The following NECTIN1 variants were observed in gnomAD, a reference collection of about 807,000 sequenced individuals.
NECTIN1 encodes the protein nectin cell adhesion molecule 1, also known as nectin-1.
A neutral mutation model predicts 48.0 loss-of-function variants in NECTIN1; 23 were observed. That is an observed-to-expected ratio of 0.48 (90% CI 0.34 to 0.68). NECTIN1 has a LOEUF of 0.68. Among genes scored for constraint, NECTIN1 ranks in the 30% least tolerant of loss-of-function variants. The pLI is 0.01. For missense variants in NECTIN1, 591 were observed against 709.9 expected, an observed-to-expected ratio of 0.83 and a Z score of 1.90; for synonymous variants, 270 against 288.9, an observed-to-expected ratio of 0.93 and a Z score of 0.66.
rs1864705051 is a variant in NECTIN1 at position 119,663,499 on chromosome 11, T to C, written c.*1248A>G. The C allele has an allele frequency of 1.0e-6, 1 of 985,558 alleles. No individual in the cohort carries two copies. The highest frequency in any genetic ancestry group is 1.2e-6 in the Non-Finnish European group (1 of 830,004). 61.1% of individuals were successfully genotyped at this position (985,558 alleles called of 1,614,324 possible). On this transcript the variant is annotated 3_prime_UTR_variant, in exon 6 of 6. Coordinates refer to ENST00000264025, the MANE Select transcript of NECTIN1 (RefSeq NM_002855.5). ...GCCTAGCGGCCCCACCCCCCTCACT[T>C]TCTGCCAGGCCCGAGGCTTTGACAA...
rs1405198153 is a variant in NECTIN1, at chr11:119,664,382, A to T, written c.*365T>A. 1 of 1,056,920 alleles carries T rather than the reference A, an allele frequency of 9.5e-7. No individual in the cohort carries two copies. Among genetic ancestry groups the T allele is most frequent in the East Asian group, 7.3e-5 (1 of 13,686 alleles). 65.5% of individuals were successfully genotyped at this position (1,056,920 alleles called of 1,614,324 possible). On this transcript the variant is annotated 3_prime_UTR_variant, in exon 6 of 6. Coordinates refer to ENST00000264025, the MANE Select transcript of NECTIN1 (RefSeq NM_002855.5). Reference sequence around the variant, plus strand: ...CAGTGAAGAAACACAAACAAATTCCAGTGTAGGGGGGCGGGGGAGGCTGGC... The same window carrying T: ...CAGTGAAGAAACACAAACAAATTCCTGTGTAGGGGGGCGGGGGAGGCTGGC...
rs1279827749 is a variant in NECTIN1 at position 119,683,929 on chromosome 11, G to GAA, written c.80-5165_80-5164insTT. ...TGCTGAGCCAGCATGACGGGCCTCA[G>GAA]GCCGGCCCCCTGAGACGTCACAGAC... On this transcript the variant is annotated intron_variant, in intron 1 of 5. Transcript: ENST00000264025. This position sits in a 1 kb window ranked among gnomAD's most constrained non-coding sequence, Gnocchi z 4.0. 8.9e-4 allele frequency among the ~76,000 whole-genome samples: 135 copies of GAA among 152,186 alleles called. No homozygotes were observed. The highest frequency in any genetic ancestry group is 1.5e-4 in the Non-Finnish European group (10 of 68,008).
chr11:119,680,571 C>T (rs894933664), intron 1 of NECTIN1, among the ~76,000 whole-genome samples: 2 of 152,234 alleles, frequency 1.3e-5, no homozygotes, highest in African/African-American at 4.8e-5. Context: ...GCTCCCCTCT[C>T]TTCCGCTCGA....
intron 1 of NECTIN1, among the ~76,000 whole-genome samples, chr11:119,696,910 G>A (rs970132731): frequency 9.2e-5 from 14 of 152,156 alleles, no homozygotes; most frequent in African/African-American, 3.4e-4. Flanking sequence ...AGATAGCCGC[G>A]CGATGTCACC....
chr11:119,677,869 CAG>C lies in NECTIN1; in HGVS notation c.431-14_431-13del, dbSNP rs1170204388. 2.5e-6 allele frequency: 4 copies of C among 1,613,286 alleles called. No individual in the cohort carries two copies. Among genetic ancestry groups the C allele is most frequent in the South Asian group, 1.1e-5 (1 of 91,052 alleles). On this transcript the variant is annotated splice_polypyrimidine_tract_variant and intron_variant, in intron 2 of 5. Transcript: ENST00000264025. This position sits in a 1 kb window ranked among gnomAD's most constrained non-coding sequence, Gnocchi z 5.4. Reference sequence around the variant, plus strand: ...ATTGGTGGGTTTGGCTGCGAGGAAGCAGAGAGAGTGATGGGACTAGCCCTGTT... The same window carrying C: ...ATTGGTGGGTTTGGCTGCGAGGAAGCAGAGAGTGATGGGACTAGCCCTGTT...
chr11:119,670,150 G>T (rs1399357504), intron 5 of NECTIN1, among the ~76,000 whole-genome samples: 2 of 151,894 alleles, frequency 1.3e-5, no homozygotes, highest in Non-Finnish European at 2.9e-5. Flanking sequence ...GTAGAGATGG[G>T]GATTTCACCA....
intron 5 of NECTIN1, chr11:119,642,187 G>T (rs1448385608): frequency 8.4e-6 from 1 of 119,384 alleles, no homozygotes; most frequent in South Asian, 2.9e-4. Context: ...TCCACCGGGC[G>T]GGCCTCTGGA....
Position 119,728,789 on chromosome 11 carries a change from G to A in NECTIN1, c.-236C>T, listed in dbSNP as rs1201888304. ...CAGATGCCCGCCGCAAGTTGCACGA[G>A]TCATGCCCCTTCGCCTCCTCCGCTC... On this transcript the variant is annotated 5_prime_UTR_variant, in exon 1 of 6. Coordinates refer to ENST00000264025, the MANE Select transcript of NECTIN1 (RefSeq NM_002855.5). 3 of 422,002 alleles carry A rather than the reference G, an allele frequency of 7.1e-6. No homozygotes were observed. The highest frequency in any genetic ancestry group is 9.0e-5 in the Admixed American group (2 of 22,280). The allele number at this position is 422,002 out of a possible 1,614,324, so 26.1% of individuals were successfully genotyped here. A position where few individuals can be genotyped will look rare whatever the true frequency, so the allele number is the denominator to read the frequency against.
chr11:119,673,772 CAT>C lies in NECTIN1; in HGVS notation c.1003+1385_1003+1386del, dbSNP rs1864898571. On this transcript the variant is annotated intron_variant, in intron 5 of 5. Transcript: ENST00000264025. The surrounding 1 kb of genome is among the most constrained non-coding windows in gnomAD (Gnocchi z 5.8). ...ATCTCAGAGCTGGAGCTTGGGTAACCATGAGGCTCATTTTGAGCTGTACTTGG... is the reference window on the plus strand; with the variant it reads ...ATCTCAGAGCTGGAGCTTGGGTAACCGAGGCTCATTTTGAGCTGTACTTGG... Among the ~76,000 whole-genome samples, 1 of 152,232 alleles carries C rather than the reference CAT, an allele frequency of 6.6e-6. No homozygotes were observed. The highest frequency in any genetic ancestry group is 1.5e-5 in the Non-Finnish European group (1 of 68,046).
intron 5 of NECTIN1, among the ~76,000 whole-genome samples, chr11:119,647,471 A>T (rs1047409946): frequency 3.3e-5 from 5 of 151,876 alleles, no homozygotes; most frequent in Non-Finnish European, 7.4e-5. Flanking sequence ...GGGGAGAGGG[A>T]CTATCTCCCT....
rs1367631913 is a variant in NECTIN1 at position 119,662,420 on chromosome 11, G to A, written c.*2327C>T. 2 of 985,828 alleles carry A rather than the reference G, an allele frequency of 2.0e-6. No homozygotes were observed. The highest frequency in any genetic ancestry group is 1.7e-5 in the African/African-American group (1 of 57,312). 61.1% of individuals were successfully genotyped at this position (985,828 alleles called of 1,614,324 possible). ...CCCTGGCAAGTCAGGAGCCTCCTAC[G>A]TGGCCCATGCTACATGGACCCCAAA... On this transcript the variant is annotated 3_prime_UTR_variant, in exon 6 of 6. Transcript: ENST00000264025. The surrounding 1 kb of genome is among the most constrained non-coding windows in gnomAD (Gnocchi z 5.3).
chr11:119,702,768 G>C (rs1180806039), intron 1 of NECTIN1, among the ~76,000 whole-genome samples: 1 of 152,226 alleles, frequency 6.6e-6, no homozygotes, highest in Admixed American at 6.5e-5. Context: ...AAAGCCCTGA[G>C]AGCTGACCCT....
chr11:119,655,829 G>A (rs1298169821), intron 5 of NECTIN1, among the ~76,000 whole-genome samples: 1 of 152,106 alleles, frequency 6.6e-6, no homozygotes, highest in Non-Finnish European at 1.5e-5. Flanking sequence ...CCAGAGGCTG[G>A]GCACATTTGA....
At chr11:119,646,334 C>T (rs1215533728) in intron 5 of NECTIN1, among the ~76,000 whole-genome samples, 5 of 152,274 alleles carry the variant, frequency 3.3e-5, no homozygotes, top group Admixed American at 6.5e-5. Flanking sequence ...TAGTACAGTG[C>T]GTGGCACATA....
chr11:119,720,335 T>C (rs982410724), intron 1 of NECTIN1, among the ~76,000 whole-genome samples: 13 of 152,254 alleles, frequency 8.5e-5, no homozygotes, highest in Admixed American at 7.8e-4. Context: ...GCCCGGGGCA[T>C]GTACCCCAGA....
chr11:119,704,076 C>A (rs1297433796), intron 1 of NECTIN1, among the ~76,000 whole-genome samples: 1 of 152,178 alleles, frequency 6.6e-6, no homozygotes, highest in Non-Finnish European at 1.5e-5. Context: ...GTTCTCCGGG[C>A]AAGAAGCTGC....
intron 5 of NECTIN1, among the ~76,000 whole-genome samples, chr11:119,668,508 T>G (rs781305027): frequency 2.6e-5 from 4 of 152,222 alleles, no homozygotes; most frequent in African/African-American, 2.4e-5. Context: ...GTTATCCAAG[T>G]TGATTCCTTA....
At chr11:119,698,040 G>A (rs1283518530) in intron 1 of NECTIN1, among the ~76,000 whole-genome samples, 2 of 152,242 alleles carry the variant, frequency 1.3e-5, no homozygotes, top group African/African-American at 4.8e-5. Flanking sequence ...CTCTCAATGT[G>A]GATCCAACTA....
Position 119,678,393 on chromosome 11 carries a change from G to C in NECTIN1, c.430+22C>G, listed in dbSNP as rs377049788. ...GGTCACAGGCCTCTGGATGAACAGG[G>C]AGGGGGCCCAGGGCAGCTTACCCAT... On this transcript the variant is annotated intron_variant, in intron 2 of 5. Coordinates refer to ENST00000264025, the MANE Select transcript of NECTIN1 (RefSeq NM_002855.5). The surrounding 1 kb of genome is among the most constrained non-coding windows in gnomAD (Gnocchi z 4.4). 2.8e-5 allele frequency: 45 copies of C among 1,606,140 alleles called. No homozygotes were observed. Among genetic ancestry groups the C allele is most frequent in the Middle Eastern group, 1.6e-4 (1 of 6,070 alleles).
Sources: gnomAD v4.1 joint callset for allele counts (sites outside exome capture counted in the v4.1 genomes callset) on GRCh38, gnomAD v4.1.1 for gene constraint, Gnocchi (gnomAD v3.1) non-coding constraint, MANE v1.5 for transcripts, NCBI Gene and HGNC (gene_info 2026-07-23, HGNC 2026-07-21) for gene names.